Variants in ACVR1C observed in about 807,000 individuals in gnomAD.
ACVR1C encodes activin receptor type-1C.
ACVR1C carries 23 observed loss-of-function variants against 57.9 expected under a neutral mutation model. The ratio of observed to expected loss-of-function variants is 0.40; its 90% CI spans 0.29 to 0.56. ACVR1C has a LOEUF of 0.56. ACVR1C is among the 20% of genes least tolerant of loss of function. The probability of loss-of-function intolerance (pLI) is 0.50; values close to 1 mark genes in which losing one functional copy is unlikely to be tolerated. For missense variants in ACVR1C, 480 were observed against 607.9 expected, an observed-to-expected ratio of 0.79 and a Z score of 2.21; for synonymous variants, 214 against 215.3, an observed-to-expected ratio of 0.99 and a Z score of 0.05.
chr2:157,580,093 G>A lies in ACVR1C; in HGVS notation c.304+7094C>T, dbSNP rs138758580. Reference sequence around the variant, plus strand: ...CACACACACACACACAAACACACACGCGCGCACGCACACACGTGCGCGTGC... The same window carrying A: ...CACACACACACACACAAACACACACACGCGCACGCACACACGTGCGCGTGC... On this transcript the variant is annotated intron_variant, in intron 2 of 8. Transcript: ENST00000243349. Among the ~76,000 whole-genome samples, 469 of 149,508 alleles carry A rather than the reference G, an allele frequency of 3.1e-3. 3 individuals carry two copies. Among genetic ancestry groups the A allele is most frequent in the Admixed American group, 0.026 (396 of 15,028 alleles).
intron 1 of ACVR1C, among the ~76,000 whole-genome samples, chr2:157,599,314 C>CAAAAAAAAAA (rs60182304): frequency 7.9e-4 from 32 of 40,608 alleles, no homozygotes; most frequent in African/African-American, 9.5e-4. Context: ...AGCCTGGGCT[C>CAAAAAAAAAA]AAAAAAAAAA....
chr2:157,599,885 T>C (rs942590690), intron 1 of ACVR1C, among the ~76,000 whole-genome samples: 1 of 152,154 alleles, frequency 6.6e-6, no homozygotes, highest in African/African-American at 2.4e-5. Flanking sequence ...CCAGGGCATT[T>C]AGGGAACAAG....
chr2:157,604,725 T>G (rs1331506647), intron 1 of ACVR1C, among the ~76,000 whole-genome samples: 1 of 151,930 alleles, frequency 6.6e-6, no homozygotes, highest in African/African-American at 2.4e-5. Flanking sequence ...CTTACATATT[T>G]TGTCCACTTC....
chr2:157,565,016 T>G (rs977081847), intron 2 of ACVR1C, among the ~76,000 whole-genome samples: 4 of 151,946 alleles, frequency 2.6e-5, no homozygotes, highest in African/African-American at 9.7e-5. Context: ...ATGCGGGGCT[T>G]AAAACCTAGA....
At chr2:157,624,068 T>A (rs1000753823) in intron 1 of ACVR1C, among the ~76,000 whole-genome samples, 3 of 152,202 alleles carry the variant, frequency 2.0e-5, no homozygotes, top group Non-Finnish European at 2.9e-5. Flanking sequence ...AATCTGAGCT[T>A]TTTAATGATC....
intron 6 of ACVR1C, among the ~76,000 whole-genome samples, chr2:157,541,962 G>A (rs1307978550): frequency 6.6e-6 from 1 of 152,088 alleles, no homozygotes; most frequent in African/African-American, 2.4e-5. Context: ...AAAATAATTG[G>A]AACTAGGCTG....
chr2:157,539,784 T>A (rs184096003), intron 7 of ACVR1C, among the ~76,000 whole-genome samples: 4 of 152,340 alleles, frequency 2.6e-5, no homozygotes, highest in Admixed American at 2.6e-4. Context: ...AGATCTGGAA[T>A]TCAAACCCTA....
intron 2 of ACVR1C, among the ~76,000 whole-genome samples, chr2:157,578,999 A>T (rs1362005800): frequency 1.3e-5 from 2 of 152,240 alleles, no homozygotes; most frequent in East Asian, 3.8e-4. Context: ...GATTAACATT[A>T]AATTAAATTC....
rs917122487 is a variant in ACVR1C at position 157,526,781 on chromosome 2, C to T, written c.*7137G>A. The stretch of plus-strand genomic sequence containing the variant: ...AAAAACCAAAATACGACACATCTTC[C>T]TTTATTTAAAATAGAGTTCTATATG... On this transcript the variant is annotated 3_prime_UTR_variant, in exon 9 of 9. Transcript: ENST00000243349. 1 of 152,118 alleles carries T rather than the reference C, an allele frequency of 6.6e-6. No homozygotes were observed. The highest frequency in any genetic ancestry group is 2.4e-5 in the African/African-American group (1 of 41,422). 9.4% of individuals were successfully genotyped at this position (152,118 alleles called of 1,614,324 possible). A position where few individuals can be genotyped will look rare whatever the true frequency, so the allele number is the denominator to read the frequency against.
chr2:157,530,442 C>T lies in ACVR1C; in HGVS notation c.*3476G>A, dbSNP rs916322608. 6.6e-6 allele frequency: 1 copy of T among 152,044 alleles called. No individual in the cohort carries two copies. Among genetic ancestry groups the T allele is most frequent in the Non-Finnish European group, 1.5e-5 (1 of 67,970 alleles). The allele number at this position is 152,044 out of a possible 1,614,324, so 9.4% of individuals were successfully genotyped here. ...ACTCAAAGACAACCCTGAGTTTTCT[C>T]TGCCCCAATAAGTCACATGGTGGCA... On this transcript the variant is annotated 3_prime_UTR_variant, in exon 9 of 9. Coordinates refer to ENST00000243349, the MANE Select transcript of ACVR1C (RefSeq NM_145259.3).
intron 1 of ACVR1C, among the ~76,000 whole-genome samples, chr2:157,622,756 G>A (rs1297423504): frequency 2.0e-5 from 3 of 152,030 alleles, no homozygotes; most frequent in African/African-American, 7.2e-5. Context: ...ATGGACAAAT[G>A]GGATCACATC....
intron 3 of ACVR1C, among the ~76,000 whole-genome samples, chr2:157,553,354 T>A (rs1299738263): frequency 6.6e-6 from 1 of 152,144 alleles, no homozygotes; most frequent in Non-Finnish European, 1.5e-5. Context: ...CTCTTTCAGA[T>A]TGGTATTTAA....
intron 4 of ACVR1C, among the ~76,000 whole-genome samples, chr2:157,549,943 C>T (rs999236547): frequency 2.9e-5 from 4 of 135,676 alleles, no homozygotes; most frequent in Non-Finnish European, 6.1e-5. Context: ...GCAGAGCTTG[C>T]GGTGAGCCGA....
intron 8 of ACVR1C, among the ~76,000 whole-genome samples, chr2:157,537,812 G>GA (rs1034723983): frequency 2.4e-4 from 36 of 152,230 alleles, no homozygotes; most frequent in African/African-American, 7.7e-4. Flanking sequence ...GTAAGAGCTA[G>GA]AAAAAATCTC....
At chr2:157,594,032 A>G (rs1449748733) in intron 1 of ACVR1C, among the ~76,000 whole-genome samples, 1 of 152,216 alleles carries the variant, frequency 6.6e-6, no homozygotes, top group African/African-American at 2.4e-5. Context: ...CCTCACCCTT[A>G]GAGCTGAGAA....
intron 1 of ACVR1C, among the ~76,000 whole-genome samples, chr2:157,622,890 G>A (rs1258001163): frequency 6.6e-6 from 1 of 151,922 alleles, no homozygotes; most frequent in Admixed American, 6.6e-5. Context: ...AATATATAAG[G>A]AGCTAAAATA....
chr2:157,547,158 T>C (rs1332514545), intron 4 of ACVR1C, among the ~76,000 whole-genome samples: 14 of 133,838 alleles, frequency 1.0e-4, no homozygotes, highest in African/African-American at 3.8e-4. Context: ...CATCATTTTT[T>C]ATGGCTGCAT....
At chr2:157,611,137 C>A (rs779620787) in intron 1 of ACVR1C, among the ~76,000 whole-genome samples, 5 of 152,148 alleles carry the variant, frequency 3.3e-5, no homozygotes, top group Non-Finnish European at 5.9e-5. Context: ...GCACTTCTGG[C>A]ATAACAGTTA....
chr2:157,609,475 G>T (rs1211862818), intron 1 of ACVR1C, among the ~76,000 whole-genome samples: 6 of 151,988 alleles, frequency 3.9e-5, no homozygotes. Flanking sequence ...GTATATGTTT[G>T]TTAGGTCCAT....
Sources: gnomAD v4.1 joint callset for allele counts (sites outside exome capture counted in the v4.1 genomes callset) on GRCh38, gnomAD v4.1.1 for gene constraint, MANE v1.5 for transcripts, NCBI Gene and HGNC (gene_info 2026-07-23, HGNC 2026-07-21) for gene names.